MPHOSPH9: variants seen among roughly 807,000 people sequenced by gnomAD.
MPHOSPH9 encodes M-phase phosphoprotein 9.
Under a neutral mutation model 145.5 loss-of-function variants are expected in MPHOSPH9, and 88 were observed. The ratio of observed to expected loss-of-function variants is 0.60; its 90% CI spans 0.51 to 0.72. MPHOSPH9 has a LOEUF of 0.72. Ranked by LOEUF, MPHOSPH9 falls within the 30% of genes least tolerant of loss-of-function variation. The pLI is 0.00. For synonymous variants in MPHOSPH9, 435 were observed against 486.2 expected, an observed-to-expected ratio of 0.89 and a Z score of 1.39; for missense variants, 1,238 against 1,386.6, an observed-to-expected ratio of 0.89 and a Z score of 1.70.
chr12:123,212,945 T>C (rs2046802933), intron 7 of MPHOSPH9, among the ~76,000 whole-genome samples: 1 of 149,560 alleles, frequency 6.7e-6, no homozygotes, highest in African/African-American at 2.5e-5. Flanking sequence ...CTGCAAGCTC[T>C]GCCTCCTGGG....
At position 123,155,811 on chromosome 12, in the gene MPHOSPH9, A is replaced by T. The variant is rs569765983; in HGVS notation, c.*996T>A. 7.9e-5 allele frequency: 12 copies of T among 152,374 alleles called. No homozygotes were observed. The highest frequency in any genetic ancestry group is 2.9e-4 in the African/African-American group (12 of 41,588). The allele number at this position is 152,374 out of a possible 1,614,324, so 9.4% of individuals were successfully genotyped here. ...GGCCGAGGGGAAGGCACCAGGCTCCATCCGGACACACTCCCTGTCCATTAA... is the reference window on the plus strand; with the variant it reads ...GGCCGAGGGGAAGGCACCAGGCTCCTTCCGGACACACTCCCTGTCCATTAA... On this transcript the variant is annotated 3_prime_UTR_variant, in exon 24 of 24. Transcript: ENST00000606320.
upstream of MPHOSPH9, among the ~76,000 whole-genome samples, chr12:123,235,455 C>T (rs1224783326): frequency 1.3e-5 from 2 of 152,038 alleles, no homozygotes; most frequent in East Asian, 3.9e-4. Context: ...AGCTCCGCCC[C>T]CCAGGTTCAC....
intron 19 of MPHOSPH9, 94 bp from the exon 20 acceptor site, chr12:123,163,228 GA>G (rs745492749): frequency 8.2e-5 from 107 of 1,299,452 alleles, no homozygotes; most frequent in Non-Finnish European, 1.1e-4. Context: ...ATTTTGAAAG[GA>G]ATATAATTTC....
intron 8 of MPHOSPH9, among the ~76,000 whole-genome samples, chr12:123,204,022 G>A (rs2046321826): frequency 6.6e-6 from 1 of 152,006 alleles, no homozygotes; most frequent in Non-Finnish European, 1.5e-5. Context: ...ATACTTCATA[G>A]GCTAGGCGCA....
chr12:123,161,523 A>C (rs2044105987), intron 21 of MPHOSPH9, 140 bp from the exon 22 acceptor site: 1 of 878,102 alleles, frequency 1.1e-6, no homozygotes. Context: ...GAGATACAAT[A>C]ATCAATCTTA....
chr12:123,185,015 G>A (rs2045376973), intron 13 of MPHOSPH9, among the ~76,000 whole-genome samples: 1 of 151,972 alleles, frequency 6.6e-6, no homozygotes, highest in Non-Finnish European at 1.5e-5. Context: ...TGTTGGCCAG[G>A]CTGGTCTCAA....
Position 123,154,682 on chromosome 12 carries a change from G to A in MPHOSPH9, c.*2125C>T, listed in dbSNP as rs976052220. 1.3e-5 allele frequency: 2 copies of A among 152,082 alleles called. No homozygotes were observed. The highest frequency in any genetic ancestry group is 2.9e-5 in the Non-Finnish European group (2 of 68,008). The allele number at this position is 152,082 out of a possible 1,614,324, so 9.4% of individuals were successfully genotyped here. A position where few individuals can be genotyped will look rare whatever the true frequency, so the allele number is the denominator to read the frequency against. On this transcript the variant is annotated 3_prime_UTR_variant, in exon 24 of 24. Transcript: ENST00000606320. ...GTAGTAGATTTTACAATAAAAGTAG[G>A]GAACAAGGAAATATCCTAACAATTT... is the stretch of plus-strand genomic sequence containing the variant.
chr12:123,193,514 G>A (rs2045800786), intron 13 of MPHOSPH9, among the ~76,000 whole-genome samples: 1 of 152,122 alleles, frequency 6.6e-6, no homozygotes, highest in South Asian at 2.1e-4. Flanking sequence ...GCCAGGTGCA[G>A]TGGCACACAC....
chr12:123,164,091 C>T lies in MPHOSPH9; in HGVS notation c.2768-1G>A. The T allele has an allele frequency of 6.2e-7, 1 of 1,613,950 alleles. No individual in the cohort carries two copies. Among genetic ancestry groups the T allele is most frequent in the East Asian group, 2.2e-5 (1 of 44,876 alleles). On this transcript the variant is annotated splice_acceptor_variant, in intron 18 of 23. Transcript: ENST00000606320. LOFTEE classifies it high-confidence loss of function. ...GAAGTTTCAGTTTGCCGAGGATTTA[C>T]TACAGCAGACCAAAAAAAAGCAAAA...
intron 4 of MPHOSPH9, among the ~76,000 whole-genome samples, chr12:123,222,185 C>T (rs2138604519): frequency 6.6e-6 from 1 of 151,388 alleles, no homozygotes; most frequent in East Asian, 2.0e-4. Flanking sequence ...ATTAGCCAGA[C>T]ACGGTGGTGC....
At chr12:123,164,187 C>T in intron 18 of MPHOSPH9, 97 bp from the exon 19 acceptor site, 1 of 1,385,562 alleles carries the variant, frequency 7.2e-7, no homozygotes, top group Non-Finnish European at 1.0e-6. Flanking sequence ...CACATGGTTA[C>T]ACACCAAGCC....
chr12:123,158,202 C>G (rs1259711154), intron 23 of MPHOSPH9, among the ~76,000 whole-genome samples: 5 of 152,136 alleles, frequency 3.3e-5, no homozygotes, highest in African/African-American at 1.2e-4. Context: ...ATTGGCCAAG[C>G]TGGTCTTGAA....
At chr12:123,232,524 G>C (rs1222979139) in intron 1 of MPHOSPH9, among the ~76,000 whole-genome samples, 1 of 152,170 alleles carries the variant, frequency 6.6e-6, no homozygotes, top group African/African-American at 2.4e-5. Flanking sequence ...TATGAAACAT[G>C]AAAGTTAACT....
intron 1 of MPHOSPH9, among the ~76,000 whole-genome samples, chr12:123,238,852 C>T (rs1273535559): frequency 6.6e-6 from 1 of 152,160 alleles, no homozygotes; most frequent in African/African-American, 2.4e-5. Flanking sequence ...TAGCAAGATT[C>T]TAGAGCTACA....
intron 13 of MPHOSPH9, among the ~76,000 whole-genome samples, chr12:123,193,033 C>T (rs1057169337): frequency 1.4e-5 from 2 of 145,338 alleles, no homozygotes; most frequent in Admixed American, 1.4e-4. Context: ...AATCACGCCA[C>T]TGCACTCCAG....
chr12:123,194,237 C>T (rs934223790), intron 13 of MPHOSPH9, 149 bp downstream of exon 13: 5 of 576,638 alleles, frequency 8.7e-6, no homozygotes, highest in Non-Finnish European at 1.5e-5. Context: ...CCACTGCACT[C>T]CAGCCTGGGT....
chr12:123,211,688 T>C (rs984449349), intron 7 of MPHOSPH9, among the ~76,000 whole-genome samples: 4 of 136,924 alleles, frequency 2.9e-5, no homozygotes, highest in African/African-American at 1.1e-4. Context: ...CAATTTCTTT[T>C]TTTTTTTTTT....
intron 13 of MPHOSPH9, among the ~76,000 whole-genome samples, chr12:123,191,754 A>G (rs2045685312): frequency 6.6e-6 from 1 of 152,222 alleles, no homozygotes; most frequent in Non-Finnish European, 1.5e-5. Flanking sequence ...AAGAATGACA[A>G]AAGCAAGTCA....
At chr12:123,214,491 C>T (rs946073865) in intron 7 of MPHOSPH9, among the ~76,000 whole-genome samples, 4 of 152,120 alleles carry the variant, frequency 2.6e-5, no homozygotes, top group Non-Finnish European at 2.9e-5. Context: ...GAGCTGTGAT[C>T]GCACCACTGC....
Sources: allele counts gnomAD v4.1 joint callset (sites outside exome capture counted in the v4.1 genomes callset), GRCh38; gene constraint gnomAD v4.1.1; transcripts MANE v1.5; gene names NCBI Gene and HGNC (gene_info 2026-07-23, HGNC 2026-07-21).